The following RBFOX1 variants were observed in gnomAD, a reference collection of about 807,000 sequenced individuals.
RBFOX1 encodes RNA binding protein fox-1 homolog 1.
RBFOX1 carries 8 observed loss-of-function variants against 57.7 expected under a neutral mutation model. That is an observed-to-expected ratio of 0.14 (90% confidence interval 0.08 to 0.25). RBFOX1 has a LOEUF of 0.25. Ranked by LOEUF, RBFOX1 falls within the 10% of genes least tolerant of loss-of-function variation. The probability of loss-of-function intolerance (pLI) is 1.00; values close to 1 mark genes in which losing one functional copy is unlikely to be tolerated. For synonymous variants in RBFOX1, 326 were observed against 222.4 expected (o/e 1.47, Z -4.15); for missense variants, 611 against 548.5 (o/e 1.11, Z -1.14).
intron 3 of RBFOX1, among the ~76,000 whole-genome samples, chr16:7,006,678 A>C (rs2093320871): frequency 6.6e-6 from 1 of 152,020 alleles, no homozygotes; most frequent in Non-Finnish European, 1.5e-5. Flanking sequence ...GAACTCCTGG[A>C]CTCAAGTGAT....
chr16:6,620,063 C>T (rs1176312823), intron 2 of RBFOX1, among the ~76,000 whole-genome samples: 5 of 152,166 alleles, frequency 3.3e-5, no homozygotes, highest in African/African-American at 1.2e-4. Context: ...GGCTGCATAG[C>T]ATTCCATGGT....
chr16:5,676,725 G>A (rs1051550210), intron 3 of RBFOX1, among the ~76,000 whole-genome samples: 8 of 152,128 alleles, frequency 5.3e-5, no homozygotes, highest in Non-Finnish European at 1.2e-4. Context: ...AGCCAGTTGT[G>A]GCAGCACATG....
intron 4 of RBFOX1, among the ~76,000 whole-genome samples, chr16:5,922,986 A>C (rs560421238): frequency 6.2e-4 from 94 of 152,332 alleles, no homozygotes; most frequent in African/African-American, 2.2e-3. Context: ...TGTGGAGGAC[A>C]GAGAAAGCCT....
chr16:5,804,223 T>C (rs1356429201), intron 3 of RBFOX1, among the ~76,000 whole-genome samples: 1 of 152,214 alleles, frequency 6.6e-6, no homozygotes, highest in Non-Finnish European at 1.5e-5. Context: ...GGTGAGGAAA[T>C]AAATGCATGA....
intron 4 of RBFOX1, among the ~76,000 whole-genome samples, chr16:7,508,924 C>A (rs962947614): frequency 6.6e-6 from 1 of 152,214 alleles, no homozygotes; most frequent in African/African-American, 2.4e-5. Flanking sequence ...GTGCATGGGA[C>A]TCTCAAAACC....
chr16:6,981,184 T>C (rs2088740248), intron 3 of RBFOX1, among the ~76,000 whole-genome samples: 1 of 152,112 alleles, frequency 6.6e-6, no homozygotes, highest in South Asian at 2.1e-4. Context: ...GCTTGTGTGA[T>C]GGGGGTTTGT....
chr16:6,812,411 TCACC>T (rs1360384947), intron 3 of RBFOX1, among the ~76,000 whole-genome samples: 1 of 152,168 alleles, frequency 6.6e-6, no homozygotes, highest in African/African-American at 2.4e-5. Context: ...CTGGGTCTTG[TCACC>T]CAGGCTGGAG....
chr16:7,096,822 C>T (rs1417712613), intron 4 of RBFOX1, among the ~76,000 whole-genome samples: 2 of 149,296 alleles, frequency 1.3e-5, no homozygotes, highest in Admixed American at 6.8e-5. Flanking sequence ...ATCCCAGCTA[C>T]GTAGGGGGCT....
At chr16:5,783,777 G>C (rs9940753) in intron 3 of RBFOX1, among the ~76,000 whole-genome samples, 43,623 of 152,070 alleles carry the variant, frequency 0.29, 6,663 homozygotes, top group East Asian at 0.55. Context: ...GAAGAGGCAG[G>C]ATAGTATAGG....
chr16:6,316,625 C>G lies in RBFOX1; in HGVS notation c.-126-370C>G, dbSNP rs571888950. On this transcript the variant is annotated intron_variant, in intron 1 of 15. Coordinates refer to ENST00000550418, the MANE Select transcript of RBFOX1 (RefSeq NM_018723.4). Reference sequence around the variant, plus strand: ...CCTTGAACACCTCCTGTGACAAGAACTCATGGTGTAAGAGAAGAATACAGA... The same window carrying G: ...CCTTGAACACCTCCTGTGACAAGAAGTCATGGTGTAAGAGAAGAATACAGA... Among the ~76,000 whole-genome samples, 599 of 152,254 alleles carry G rather than the reference C, an allele frequency of 3.9e-3. 1 individual carries two copies. The highest frequency in any genetic ancestry group is 7.3e-3 in the Non-Finnish European group (495 of 68,018).
At chr16:6,269,892 A>G (rs1382043213) in intron 1 of RBFOX1, among the ~76,000 whole-genome samples, 1 of 152,194 alleles carries the variant, frequency 6.6e-6, no homozygotes, top group Non-Finnish European at 1.5e-5. Flanking sequence ...ATACCATCTG[A>G]TGTGATTCAA....
chr16:5,349,859 T>A (rs13332493), intron 1 of RBFOX1, among the ~76,000 whole-genome samples: 2 of 152,226 alleles, frequency 1.3e-5, no homozygotes, highest in Non-Finnish European at 2.9e-5. Flanking sequence ...GCAGCCCTGC[T>A]GAGCAGTCTC....
At chr16:6,301,112 T>C in intron 1 of RBFOX1, among the ~76,000 whole-genome samples, 1 of 152,194 alleles carries the variant, frequency 6.6e-6, no homozygotes, top group Admixed American at 6.5e-5. Flanking sequence ...AAACAGAACC[T>C]GGAAACTTTG....
chr16:7,169,098 C>G (rs1368457535), intron 4 of RBFOX1, among the ~76,000 whole-genome samples: 2 of 152,146 alleles, frequency 1.3e-5, no homozygotes, highest in Non-Finnish European at 2.9e-5. Context: ...CATTCAGTGT[C>G]TCAGGGCAGG....
intron 3 of RBFOX1, among the ~76,000 whole-genome samples, chr16:6,875,471 G>A (rs1251386308): frequency 2.0e-5 from 3 of 152,172 alleles, no homozygotes; most frequent in East Asian, 3.9e-4. Context: ...GAGAGTCTTC[G>A]AATTTTTTGA....
At chr16:7,651,483 T>C (rs1258913387) in intron 11 of RBFOX1, among the ~76,000 whole-genome samples, 1 of 152,162 alleles carries the variant, frequency 6.6e-6, no homozygotes, top group Admixed American at 6.5e-5. Context: ...CTCATGCACA[T>C]TTTTTCCTTC....
chr16:6,220,469 G>C (rs941113321), intron 1 of RBFOX1, among the ~76,000 whole-genome samples: 5 of 152,164 alleles, frequency 3.3e-5, no homozygotes, highest in Admixed American at 6.5e-5. Context: ...ATTTCTCCTA[G>C]ATTCCCTCAG....
At chr16:7,082,017 A>G (rs1347055278) in intron 4 of RBFOX1, among the ~76,000 whole-genome samples, 1 of 152,148 alleles carries the variant, frequency 6.6e-6, no homozygotes, top group Non-Finnish European at 1.5e-5. Flanking sequence ...CTGAAAGTGG[A>G]AGAAGCGATT....
chr16:7,021,463 T>A (rs2039040898), intron 3 of RBFOX1, among the ~76,000 whole-genome samples: 1 of 146,154 alleles, frequency 6.8e-6, no homozygotes, highest in South Asian at 2.1e-4. Flanking sequence ...TAATTTTTAA[T>A]ATAATTTATA....
Sources: gnomAD v4.1 joint callset for allele counts (sites outside exome capture counted in the v4.1 genomes callset) on GRCh38, gnomAD v4.1.1 for gene constraint, MANE v1.5 for transcripts, NCBI Gene and HGNC (gene_info 2026-07-23, HGNC 2026-07-21) for gene names.